Variants in USP12 observed in about 807,000 individuals in gnomAD.
The protein encoded by USP12 is ubiquitin carboxyl-terminal hydrolase 12.
Under a neutral mutation model 45.5 loss-of-function variants are expected in USP12, and 19 were observed. The observed-to-expected ratio is 0.42, with a 90% CI of 0.29 to 0.61. The LOEUF (loss-of-function observed/expected upper bound fraction) is 0.61, where lower values mean the gene tolerates loss of function less well. Among genes scored for constraint, USP12 ranks in the 20% least tolerant of loss-of-function variants. The pLI, the probability that USP12 is intolerant of heterozygous loss-of-function variation, is 0.22. For synonymous variants in USP12, 149 were observed against 148.8 expected, an observed-to-expected ratio of 1.00 and a Z score of -0.01; for missense variants, 242 against 447.7, an observed-to-expected ratio of 0.54 and a Z score of 4.15.
At chr13:27,080,390 G>T (rs1873695242) in intron 6 of USP12, among the ~76,000 whole-genome samples, 1 of 152,122 alleles carries the variant, frequency 6.6e-6, no homozygotes, top group Non-Finnish European at 1.5e-5. Flanking sequence ...CAAAAGGTAG[G>T]GCCTTCATCT....
chr13:27,104,763 T>C (rs762629682), intron 3 of USP12, among the ~76,000 whole-genome samples: 17 of 152,212 alleles, frequency 1.1e-4, no homozygotes, highest in Non-Finnish European at 1.6e-4. Flanking sequence ...CAGTGTCAAC[T>C]GACTAATTTA....
At chr13:27,134,138 T>C (rs1431601260) in intron 1 of USP12, among the ~76,000 whole-genome samples, 1 of 152,188 alleles carries the variant, frequency 6.6e-6, no homozygotes, top group Non-Finnish European at 1.5e-5. Context: ...AGCCAGACCC[T>C]GTGAAAAATA....
At position 27,105,931 on chromosome 13, in the gene USP12, C is replaced by T; in HGVS notation, c.143G>A (p.Cys48Tyr). 1 of 1,606,244 alleles carries T rather than the reference C, an allele frequency of 6.2e-7. No individual in the cohort carries two copies. The highest frequency in any genetic ancestry group is 8.5e-7 in the Non-Finnish European group (1 of 1,177,954). The change falls in exon 3 of 9, where the codon TGC (cysteine) becomes TAC (tyrosine). Residue 48 changes from cysteine (C) to tyrosine (Y), a missense_variant. By Grantham distance (194) the Cys-to-Tyr change is radical (BLOSUM62 -2). Coordinates refer to ENST00000282344, the MANE Select transcript of USP12 (RefSeq NM_182488.4). Reference protein sequence around the residue: ...YFGLVNFGNTCYCNSVLQALY... With the variant: ...YFGLVNFGNTYYCNSVLQALY... ...TGCTTGAAGAACTGAATTGCAGTAG[C>T]AGGTATTCCCAAACTGCAACAGAAA...
chr13:27,117,783 C>T (rs761670596), intron 1 of USP12: 1 of 518,234 alleles, frequency 1.9e-6, no homozygotes, highest in Admixed American at 1.9e-5. Context: ...ACAATCATAG[C>T]GTGTCACAGT....
At chr13:27,134,799 G>C (rs1319471163) in intron 1 of USP12, among the ~76,000 whole-genome samples, 5 of 151,616 alleles carry the variant, frequency 3.3e-5, no homozygotes, top group Non-Finnish European at 7.4e-5. Flanking sequence ...ATTAAGTGGG[G>C]ATATTAGCTA....
intron 2 of USP12, among the ~76,000 whole-genome samples, chr13:27,115,959 G>T (rs892038383): frequency 5.3e-5 from 8 of 152,154 alleles, no homozygotes; most frequent in African/African-American, 1.9e-4. Flanking sequence ...AGAAATTTCT[G>T]ACAAAATAGG....
intron 1 of USP12, among the ~76,000 whole-genome samples, chr13:27,159,676 G>T (rs937579088): frequency 6.6e-6 from 1 of 152,078 alleles, no homozygotes; most frequent in East Asian, 1.9e-4. Flanking sequence ...ATCATTGTGA[G>T]ATCTGAATCT....
intron 1 of USP12, among the ~76,000 whole-genome samples, chr13:27,152,650 A>C (rs1877623327): frequency 1.3e-5 from 2 of 152,220 alleles, no homozygotes; most frequent in Admixed American, 1.3e-4. Context: ...GTTTTAAGAA[A>C]AAAGAATATG....
chr13:27,086,174 T>TA (rs138475761), intron 6 of USP12, among the ~76,000 whole-genome samples: 2 of 72,350 alleles, frequency 2.8e-5, no homozygotes, highest in African/African-American at 1.1e-4. Context: ...TTTGTCTCTT[T>TA]AAAAAAAAAA....
chr13:27,112,301 T>G (rs1224996668), intron 2 of USP12, among the ~76,000 whole-genome samples: 1 of 151,900 alleles, frequency 6.6e-6, no homozygotes, highest in African/African-American at 2.4e-5. Context: ...TTTTTTTTTT[T>G]TCCTGAGACA....
chr13:27,107,328 A>C (rs1875189545), intron 2 of USP12, among the ~76,000 whole-genome samples: 3 of 152,210 alleles, frequency 2.0e-5, no homozygotes, highest in Admixed American at 2.0e-4. Flanking sequence ...CTGTCTCAAA[A>C]ACAAACAAAC....
At chr13:27,088,386 C>T (rs1238654543) in intron 6 of USP12, among the ~76,000 whole-genome samples, 3 of 134,134 alleles carry the variant, frequency 2.2e-5, no homozygotes, top group Non-Finnish European at 3.1e-5. Flanking sequence ...CACTGCACTC[C>T]AGCCTGGGCG....
intron 6 of USP12, among the ~76,000 whole-genome samples, chr13:27,084,169 T>TACATACACACACACAC (rs1295472031): frequency 2.9e-4 from 42 of 142,510 alleles, no homozygotes; most frequent in African/African-American, 1.0e-3. Context: ...CATGTTTGCA[T>TACATACACACACACAC]ACACACACAC....
intron 6 of USP12, among the ~76,000 whole-genome samples, chr13:27,088,996 A>G (rs1874194324): frequency 6.6e-6 from 1 of 151,720 alleles, no homozygotes; most frequent in African/African-American, 2.4e-5. Flanking sequence ...ATCTAATCAC[A>G]GGAAAACGAG....
chr13:27,124,272 T>C (rs1876124471), intron 1 of USP12, among the ~76,000 whole-genome samples: 1 of 152,212 alleles, frequency 6.6e-6, no homozygotes, highest in Non-Finnish European at 1.5e-5. Flanking sequence ...AAAAATCTCC[T>C]GGCCCACAAT....
At chr13:27,123,985 T>G (rs916006838) in intron 1 of USP12, among the ~76,000 whole-genome samples, 1 of 152,200 alleles carries the variant, frequency 6.6e-6, no homozygotes, top group African/African-American at 2.4e-5. Flanking sequence ...CAAAGATACC[T>G]TTGACCTATT....
intron 1 of USP12, among the ~76,000 whole-genome samples, chr13:27,157,087 T>G (rs1461490823): frequency 6.6e-6 from 1 of 152,188 alleles, no homozygotes; most frequent in Non-Finnish European, 1.5e-5. Context: ...AATGAACTAA[T>G]AATAACAAAG....
chr13:27,069,131 A>C lies in USP12; in HGVS notation c.*152T>G. The C allele has an allele frequency of 1.5e-6, 1 of 667,104 alleles. No homozygotes were observed. Among genetic ancestry groups the C allele is most frequent in the East Asian group, 2.7e-5 (1 of 36,978 alleles). 41.3% of individuals were successfully genotyped at this position (667,104 alleles called of 1,614,324 possible). On this transcript the variant is annotated 3_prime_UTR_variant, in exon 9 of 9. Transcript: ENST00000282344. ...ACTACCATGATCGGAAGGGCTTGTCAATCCATCGTCTTTGCTTTATCGTGT... is the reference window on the plus strand; with the variant it reads ...ACTACCATGATCGGAAGGGCTTGTCCATCCATCGTCTTTGCTTTATCGTGT...
At chr13:27,074,475 T>C (rs534807671) in intron 7 of USP12, among the ~76,000 whole-genome samples, 4 of 152,278 alleles carry the variant, frequency 2.6e-5, no homozygotes, top group East Asian at 1.9e-4. Flanking sequence ...CTTTTTTTAT[T>C]TGGATAAAAC....
Sources: gnomAD v4.1 joint callset for allele counts (sites outside exome capture counted in the v4.1 genomes callset) on GRCh38, gnomAD v4.1.1 for gene constraint, MANE v1.5 for transcripts, NCBI Gene and HGNC (gene_info 2026-07-23, HGNC 2026-07-21) for gene names.